CUBN: variants seen among roughly 807,000 people sequenced by gnomAD.
CUBN encodes 460 kDa receptor.
CUBN carries 282 observed loss-of-function variants against 405.3 expected under a neutral mutation model. That is an observed-to-expected ratio of 0.70 (90% CI 0.63 to 0.77). The LOEUF is 0.77. Among genes scored for constraint, CUBN ranks in the 30% least tolerant of loss-of-function variants. The pLI is 0.00. For missense variants in CUBN, 4,514 were observed against 4,475.2 expected (o/e 1.01, Z -0.25); for synonymous variants, 1,684 against 1,617.0 (o/e 1.04, Z -0.99).
intron 17 of CUBN, among the ~76,000 whole-genome samples, chr10:17,083,874 C>CAAA (rs1463124674): frequency 6.6e-6 from 1 of 152,094 alleles, no homozygotes; most frequent in Non-Finnish European, 1.5e-5. Flanking sequence ...GTATTACAAT[C>CAAA]ATTACCCACA....
At chr10:16,991,480 G>C (rs1833585031) in intron 28 of CUBN, among the ~76,000 whole-genome samples, 1 of 152,196 alleles carries the variant, frequency 6.6e-6, no homozygotes, top group Non-Finnish European at 1.5e-5. Context: ...TTTCAGTATG[G>C]AGAGGAAGAG....
chr10:17,045,956 A>G lies in CUBN; in HGVS notation c.3468T>C (p.Ala1156=). ...TACCTGTTGATGACCCATCCCAGTA[A>G]GCTGAGAATCCAGACCTTGTGTCTA... The part of the protein sequence containing the change: ...DQIDTRSGFS[A]YWDGSSTGCG... The change falls in exon 24 of 67, where the codon GCT becomes GCC. Residue 1156 remains alanine (A), a synonymous_variant. Transcript: ENST00000377833. 6.2e-7 allele frequency: 1 copy of G among 1,614,006 alleles called. No individual in the cohort carries two copies. The highest frequency in any genetic ancestry group is 8.5e-7 in the Non-Finnish European group (1 of 1,179,936).
At chr10:17,127,687 T>C in intron 3 of CUBN, 142 bp downstream of exon 3, 1 of 613,446 alleles carries the variant, frequency 1.6e-6, no homozygotes, top group South Asian at 2.0e-5. Context: ...ATTACAGCTG[T>C]GTCATTTAAC....
rs551140577 is a variant in CUBN, at chr10:16,935,026, C to T, written c.5927-1742G>A. 2.0e-5 allele frequency among the ~76,000 whole-genome samples: 3 copies of T among 152,338 alleles called. No homozygotes were observed. In the South Asian group the frequency reaches 6.2e-4, roughly 32 times the overall value. ...ATTTCCTTCAGTTGACCCTAGTCCA[C>T]AGTAAGCTCATTTTTCTTCCCTTGC... On this transcript the variant is annotated intron_variant, in intron 39 of 66. Transcript: ENST00000377833.
At chr10:16,910,478 G>A (rs904943685) in intron 48 of CUBN, among the ~76,000 whole-genome samples, 6 of 152,162 alleles carry the variant, frequency 3.9e-5, no homozygotes, top group African/African-American at 1.4e-4. Context: ...AAAGTGATTC[G>A]TCGCTGGAGT....
At chr10:16,842,511 CCT>C (rs369856568) in intron 60 of CUBN, among the ~76,000 whole-genome samples, 18 of 150,756 alleles carry the variant, frequency 1.2e-4, no homozygotes, top group Middle Eastern at 3.4e-3. Flanking sequence ...ATCTCTGATT[CCT>C]CTCTCTCTCT....
At chr10:17,104,862 G>A (rs1424421464) in intron 11 of CUBN, among the ~76,000 whole-genome samples, 1 of 145,852 alleles carries the variant, frequency 6.9e-6, no homozygotes, top group African/African-American at 2.6e-5. Context: ...AGGCTGGAGT[G>A]CAGTGGTGCA....
At chr10:17,124,943 T>C (rs113592220) in intron 4 of CUBN, among the ~76,000 whole-genome samples, 33,800 of 151,774 alleles carry the variant, frequency 0.22, 4,666 homozygotes, top group Non-Finnish European at 0.32. Context: ...GCGATTCTCA[T>C]GCCTCAGCCT....
chr10:16,982,808 A>C (rs1833312746), intron 30 of CUBN, among the ~76,000 whole-genome samples, 155 bp from the exon 31 acceptor site: 1 of 152,256 alleles, frequency 6.6e-6, no homozygotes, highest in Admixed American at 6.5e-5. Flanking sequence ...TAAGCCATTT[A>C]TCCCAACAGA....
At chr10:17,111,097 A>C in intron 8 of CUBN, 47 bp from the exon 9 acceptor site, 1 of 1,605,856 alleles carries the variant, frequency 6.2e-7, no homozygotes, top group Admixed American at 1.7e-5. Flanking sequence ...AGACAAGTCA[A>C]CAAGGAAGAA....
rs570958372 is a variant in CUBN at position 16,853,116 on chromosome 10, T to G, written c.9455-1673A>C. Among the ~76,000 whole-genome samples the G allele has an allele frequency of 3.3e-4, 51 of 152,262 alleles. No individual in the cohort carries two copies. The South Asian group carries it at 4.6e-3, about 14-fold the overall frequency. On this transcript the variant is annotated intron_variant, in intron 59 of 66. Coordinates refer to ENST00000377833, the MANE Select transcript of CUBN (RefSeq NM_001081.4). The stretch of plus-strand genomic sequence containing the variant: ...AAAAACAATCCTCAGAACATAAGAT[T>G]TAGTTTTGTCTACTCCATGGCCTAA...
rs776054602 is a variant in CUBN, at chr10:16,933,095, A to G, written c.6116T>C (p.Ile2039Thr). The G allele has an allele frequency of 6.2e-7, 1 of 1,613,992 alleles. No individual in the cohort carries two copies. Among genetic ancestry groups the G allele is most frequent in the Non-Finnish European group, 8.5e-7 (1 of 1,179,886 alleles). The change falls in exon 40 of 67, where the codon ATA becomes ACA. Residue 2039 changes from isoleucine (I) to threonine (T), a missense_variant. By Grantham distance (89) the Ile-to-Thr change is moderately conservative. Around this residue, in one of 5 missense-constraint regions of CUBN, gnomAD observed 1,613 missense variants for 1,542.8 expected, o/e 1.05. Coordinates refer to ENST00000377833, the MANE Select transcript of CUBN (RefSeq NM_001081.4). ...CTTTATAATGTTCTCACCATCTCGT[A>G]TCACAAGGCTATCATAGGCACACGT... Reference protein sequence around the residue: ...HRTCAYDSLVIRDGDNNLAQQ... With the variant: ...HRTCAYDSLVTRDGDNNLAQQ...
intron 31 of CUBN, among the ~76,000 whole-genome samples, chr10:16,971,943 A>G (rs932083541): frequency 1.3e-5 from 2 of 151,930 alleles, no homozygotes; most frequent in African/African-American, 4.8e-5. Context: ...TGTGACCTTG[A>G]GTCTTCCACC....
At chr10:16,909,433 A>C (rs1841658031) in intron 48 of CUBN, among the ~76,000 whole-genome samples, 1 of 152,208 alleles carries the variant, frequency 6.6e-6, no homozygotes, top group African/African-American at 2.4e-5. Flanking sequence ...AAGATGATGT[A>C]ATAATAGAAC....
chr10:17,071,600 G>A lies in CUBN; in HGVS notation c.2451C>T (p.Cys817=), dbSNP rs768531445. The A allele has an allele frequency of 4.2e-5, 67 of 1,612,872 alleles. No homozygotes were observed. The highest frequency in any genetic ancestry group is 1.6e-4 in the Middle Eastern group (1 of 6,078). Residue 817 remains cysteine, a synonymous_variant, in exon 19 of 67, where the codon TGC becomes TGT. Transcript: ENST00000377833. ...CCCCTTCTCCAGTTAATTCATCCCC[G>A]CAAGCTGTAAGCATAAAAATTATAG... is the stretch of plus-strand genomic sequence containing the variant. ...ASFRAVYQVA[C]GDELTGEGVI...
At chr10:17,078,601 C>T (rs1835901578) in intron 17 of CUBN, among the ~76,000 whole-genome samples, 1 of 152,106 alleles carries the variant, frequency 6.6e-6, no homozygotes, top group African/African-American at 2.4e-5. Flanking sequence ...ATATTACATA[C>T]CCATTCCCTA....
At chr10:17,042,263 T>C (rs965675178) in intron 26 of CUBN, among the ~76,000 whole-genome samples, 1 of 152,198 alleles carries the variant, frequency 6.6e-6, no homozygotes, top group Non-Finnish European at 1.5e-5. Flanking sequence ...AATAATCTTA[T>C]TGTTTTAGAA....
intron 22 of CUBN, 71 bp from the exon 23 acceptor site, chr10:17,047,674 T>C (rs1050075080): frequency 3.2e-5 from 43 of 1,354,122 alleles, no homozygotes; most frequent in South Asian, 9.7e-5. Flanking sequence ...TCCAGTAATA[T>C]GTATTTCATT....
At chr10:16,963,349 C>T (rs1174045785) in intron 31 of CUBN, among the ~76,000 whole-genome samples, 1 of 151,610 alleles carries the variant, frequency 6.6e-6, no homozygotes, top group African/African-American at 2.4e-5. Context: ...CCACGCCCAG[C>T]TAATTTTTTG....
Sources: gnomAD v4.1 joint callset for allele counts (sites outside exome capture counted in the v4.1 genomes callset) on GRCh38, gnomAD v4.1.1 for gene constraint, gnomAD v4.1.1 regional missense constraint, MANE v1.5 for transcripts, NCBI Gene and HGNC (gene_info 2026-07-23, HGNC 2026-07-21) for gene names.